Variants in ZFHX3 observed in about 807,000 individuals in gnomAD.
ZFHX3 encodes the protein zinc finger homeobox protein 3.
Under a neutral mutation model 279.1 loss-of-function variants are expected in ZFHX3, and 42 were observed. The ratio of observed to expected loss-of-function variants is 0.15; its 90% CI spans 0.12 to 0.19. The LOEUF is 0.19. Among genes scored for constraint, ZFHX3 ranks in the 10% least tolerant of loss-of-function variants. The pLI, the probability that ZFHX3 is intolerant of heterozygous loss-of-function variation, is 1.00. For missense variants in ZFHX3, 4,981 were observed against 4,754.0 expected (o/e 1.05, Z -1.40); for synonymous variants, 2,293 against 1,957.8 (o/e 1.17, Z -4.52).
chr16:73,535,832 C>T (rs1464698462), intron 2 of ZFHX3, among the ~76,000 whole-genome samples: 1 of 151,442 alleles, frequency 6.6e-6, no homozygotes, highest in Non-Finnish European at 1.5e-5. Flanking sequence ...AAGCGATTCT[C>T]CTGTCTCAGC....
Position 73,724,037 on chromosome 16 carries a change from CACA to C in ZFHX3, c.-1607-43800_-1607-43798del, listed in dbSNP as rs537262701. Among the ~76,000 whole-genome samples the C allele has an allele frequency of 9.1e-4, 138 of 152,290 alleles. 1 individual carries two copies. The highest frequency in any genetic ancestry group is 3.2e-3 in the African/African-American group (134 of 41,556). ...TAATTCGATGATTTTTTCATAAAAG[CACA>C]ACGATTCCTCTTAAAAAGCTGTCCT... On this transcript the variant is annotated intron_variant, in intron 1 of 17. Coordinates refer to the ZFHX3 transcript ENST00000641206.
chr16:73,787,949 G>A (rs1163950630), intron 1 of ZFHX3, among the ~76,000 whole-genome samples: 1 of 151,446 alleles, frequency 6.6e-6, no homozygotes, highest in East Asian at 2.0e-4. Flanking sequence ...CAATTCACAC[G>A]CATTCCACTG....
At chr16:73,152,643 T>C (rs1038050378) in intron 5 of ZFHX3, among the ~76,000 whole-genome samples, 1 of 148,232 alleles carries the variant, frequency 6.7e-6, no homozygotes, top group East Asian at 2.0e-4. Context: ...TCTCACGTGA[T>C]TGGAATTAAT....
chr16:73,267,152 C>T (rs1054659293), intron 4 of ZFHX3, among the ~76,000 whole-genome samples: 1 of 152,152 alleles, frequency 6.6e-6, no homozygotes, highest in South Asian at 2.1e-4. Flanking sequence ...ATGGCAGATA[C>T]GTTTGCCTGG....
chr16:73,132,652 C>A (rs1482183699), intron 6 of ZFHX3, among the ~76,000 whole-genome samples: 3 of 152,138 alleles, frequency 2.0e-5, no homozygotes, highest in Admixed American at 2.0e-4. Context: ...CCGGCCGTTT[C>A]TTACAGATCC....
chr16:73,578,778 C>G (rs2143819476), intron 2 of ZFHX3, among the ~76,000 whole-genome samples: 1 of 152,204 alleles, frequency 6.6e-6, no homozygotes, highest in East Asian at 1.9e-4. Context: ...AAATAGACAG[C>G]AACATCTATA....
chr16:73,186,070 C>A (rs1420632322), intron 5 of ZFHX3, among the ~76,000 whole-genome samples: 2 of 152,074 alleles, frequency 1.3e-5, no homozygotes, highest in Non-Finnish European at 1.5e-5. Flanking sequence ...GATGATCTGT[C>A]ACTGTCTCCC....
At chr16:73,339,215 A>G (rs1027707408) in intron 3 of ZFHX3, among the ~76,000 whole-genome samples, 7 of 152,244 alleles carry the variant, frequency 4.6e-5, no homozygotes, top group Admixed American at 1.3e-4. Context: ...CTCTGAATGT[A>G]GAGCTTTTCT....
At chr16:73,212,275 T>G (rs2144911213) in intron 5 of ZFHX3, among the ~76,000 whole-genome samples, 1 of 152,282 alleles carries the variant, frequency 6.6e-6, no homozygotes, top group East Asian at 1.9e-4. Flanking sequence ...TATACACCCT[T>G]TTTTAAATAA....
At chr16:73,786,439 G>A (rs545126597) in intron 1 of ZFHX3, among the ~76,000 whole-genome samples, 289 of 152,108 alleles carry the variant, frequency 1.9e-3, no homozygotes, top group African/African-American at 6.6e-3. Context: ...TTGTGTTGGT[G>A]GTCTCTGTGT....
chr16:72,932,018 G>C (rs2144299108), intron 3 of ZFHX3, among the ~76,000 whole-genome samples: 1 of 152,232 alleles, frequency 6.6e-6, no homozygotes, highest in South Asian at 2.1e-4. Context: ...CTAGATTGTG[G>C]CTTTATTTTT....
intron 3 of ZFHX3, among the ~76,000 whole-genome samples, chr16:73,445,616 C>G (rs1321043926): frequency 6.6e-6 from 1 of 152,078 alleles, no homozygotes; most frequent in Non-Finnish European, 1.5e-5. Context: ...ATAGTGTGCC[C>G]CAGCATAGGG....
At chr16:73,004,678 T>G (rs1482351147) in intron 1 of ZFHX3, among the ~76,000 whole-genome samples, 1 of 152,198 alleles carries the variant, frequency 6.6e-6, no homozygotes, top group Non-Finnish European at 1.5e-5. Flanking sequence ...TTCCATGTGC[T>G]CTAAACACCT....
intron 2 of ZFHX3, among the ~76,000 whole-genome samples, chr16:73,676,554 G>A (rs548424233): frequency 3.3e-5 from 5 of 151,748 alleles, no homozygotes; most frequent in Middle Eastern, 6.8e-3. Flanking sequence ...GACAGAGAAC[G>A]AAAAATAATA....
intron 3 of ZFHX3, among the ~76,000 whole-genome samples, chr16:73,412,931 C>G (rs1461547812): frequency 6.6e-6 from 1 of 152,156 alleles, no homozygotes; most frequent in African/African-American, 2.4e-5. Context: ...AATACAGATG[C>G]ATTTATGGAT....
At chr16:73,871,995 G>A (rs1431705380) in intron 1 of ZFHX3, among the ~76,000 whole-genome samples, 2 of 152,140 alleles carry the variant, frequency 1.3e-5, no homozygotes, top group South Asian at 2.1e-4. Context: ...GAAGGTCACC[G>A]AGTATTTTTT....
At chr16:73,162,214 G>A (rs768061190) in intron 5 of ZFHX3, among the ~76,000 whole-genome samples, 90 of 152,312 alleles carry the variant, frequency 5.9e-4, no homozygotes, top group Admixed American at 1.2e-3. Context: ...GTTCCCCATC[G>A]CTTTCATTAC....
chr16:73,811,508 G>A (rs910392860), intron 1 of ZFHX3, among the ~76,000 whole-genome samples: 3 of 145,250 alleles, frequency 2.1e-5, no homozygotes, highest in African/African-American at 7.7e-5. Flanking sequence ...GCAGTGGCGT[G>A]ATCTCAGCTC....
chr16:73,284,729 C>T (rs1036510048), intron 4 of ZFHX3, among the ~76,000 whole-genome samples: 1 of 152,148 alleles, frequency 6.6e-6, no homozygotes, highest in Non-Finnish European at 1.5e-5. Flanking sequence ...TTCAAAGAGT[C>T]TCCCCTTGTT....
Sources: allele counts gnomAD v4.1 joint callset (sites outside exome capture counted in the v4.1 genomes callset), GRCh38; gene constraint gnomAD v4.1.1; transcripts MANE v1.5; gene names NCBI Gene and HGNC (gene_info 2026-07-23, HGNC 2026-07-21).